The following KLF7 variants were observed in gnomAD, a reference collection of about 807,000 sequenced individuals.
KLF7 encodes the protein Krueppel-like factor 7.
A neutral mutation model predicts 27.3 loss-of-function variants in KLF7; 2 were observed. The observed-to-expected ratio is 0.07, with a 90% CI of 0.03 to 0.23. The LOEUF is 0.23. KLF7 is among the 10% of genes least tolerant of loss of function. KLF7 has a pLI of 1.00. For missense variants in KLF7, 221 were observed against 394.1 expected (o/e 0.56, Z 3.72); for synonymous variants, 165 against 162.4 (o/e 1.02, Z -0.12).
At chr2:207,163,752 C>T (rs2106151433) in intron 1 of KLF7, among the ~76,000 whole-genome samples, 1 of 152,354 alleles carries the variant, frequency 6.6e-6, no homozygotes, top group Admixed American at 6.5e-5. Context: ...AGATTCCCTT[C>T]TCTAACCTGT....
At position 207,138,294 on chromosome 2, in the gene KLF7, A is replaced by C. The variant is rs1321899879; in HGVS notation, c.103-13890T>G. Among the ~76,000 whole-genome samples, 2 of 152,230 alleles carry C rather than the reference A, an allele frequency of 1.3e-5. 1 individual carries two copies. The highest frequency in any genetic ancestry group is 2.9e-5 in the Non-Finnish European group (2 of 68,032). On this transcript the variant is annotated intron_variant, in intron 1 of 3. Coordinates refer to ENST00000309446, the MANE Select transcript of KLF7 (RefSeq NM_003709.4). ...CAGTTGCTTTGTTGTTTCAACCTCC[A>C]AGGAAGGTTGCTACATATGCACAAC... is the stretch of plus-strand genomic sequence containing the variant.
chr2:207,156,448 CT>C (rs1234411121), intron 1 of KLF7, among the ~76,000 whole-genome samples: 8 of 152,226 alleles, frequency 5.3e-5, no homozygotes, highest in Non-Finnish European at 7.3e-5. Flanking sequence ...GAGCTGCTAC[CT>C]AATGCCTCTC....
chr2:207,092,166 G>A (rs749576667), intron 2 of KLF7, among the ~76,000 whole-genome samples: 1 of 152,076 alleles, frequency 6.6e-6, no homozygotes, highest in Admixed American at 6.6e-5. Flanking sequence ...ATGCTGTATC[G>A]CACTTGGAAT....
intron 1 of KLF7, among the ~76,000 whole-genome samples, chr2:207,134,938 CTG>C (rs1218722585): frequency 1.3e-5 from 2 of 152,222 alleles, no homozygotes; most frequent in Non-Finnish European, 2.9e-5. Flanking sequence ...CATGCACACT[CTG>C]TATGTTGTAG....
upstream of KLF7, among the ~76,000 whole-genome samples, chr2:207,167,915 C>T (rs1156232803): frequency 6.6e-6 from 1 of 152,184 alleles, no homozygotes; most frequent in Non-Finnish European, 1.5e-5. Context: ...CCCACTTGAG[C>T]TATGTAAACT....
chr2:207,123,753 G>A, intron 2 of KLF7, 21 bp downstream of exon 2: 8 of 1,596,268 alleles, frequency 5.0e-6, no homozygotes, highest in Non-Finnish European at 6.8e-6. Context: ...GAAACCACGT[G>A]CGGCCAACTT....
At chr2:207,122,955 A>G (rs1362413357) in intron 2 of KLF7, among the ~76,000 whole-genome samples, 1 of 150,826 alleles carries the variant, frequency 6.6e-6, no homozygotes, top group African/African-American at 2.4e-5. Flanking sequence ...ATCTCAAAGC[A>G]GAGAACAAAG....
chr2:207,124,444 G>A (rs1559141830), intron 1 of KLF7, 40 bp from the exon 2 acceptor site: 1 of 1,525,660 alleles, frequency 6.6e-7, no homozygotes, highest in African/African-American at 1.4e-5. Context: ...AGCCATCAGA[G>A]GCACAGAACA....
intron 2 of KLF7, chr2:207,122,103 T>C (rs2077356311): frequency 6.6e-6 from 1 of 152,186 alleles, no homozygotes; most frequent in South Asian, 2.1e-4. Flanking sequence ...TCATTGACTT[T>C]AGAAAGAAAG....
At chr2:207,105,415 T>C (rs1197732911) in intron 2 of KLF7, among the ~76,000 whole-genome samples, 22 of 152,102 alleles carry the variant, frequency 1.4e-4, no homozygotes, top group Admixed American at 1.4e-3. Flanking sequence ...GATGTTTCCA[T>C]CTTAGGGAGG....
intron 1 of KLF7, 22 bp downstream of exon 1, chr2:207,165,445 A>G (rs1402799612): frequency 6.2e-7 from 1 of 1,614,074 alleles, no homozygotes; most frequent in Admixed American, 1.7e-5. Context: ...CACGATTTAC[A>G]CAAGTAATTT....
At chr2:207,135,695 C>T (rs899237789) in intron 1 of KLF7, among the ~76,000 whole-genome samples, 4 of 152,204 alleles carry the variant, frequency 2.6e-5, no homozygotes, top group Admixed American at 2.6e-4. Context: ...ATTCTTCCTT[C>T]TTCACCAAAG....
At chr2:207,143,127 G>A (rs1199959197) in intron 1 of KLF7, among the ~76,000 whole-genome samples, 3 of 151,998 alleles carry the variant, frequency 2.0e-5, no homozygotes, top group East Asian at 1.9e-4. Flanking sequence ...AAATCAAAAT[G>A]AGGACAAAAC....
chr2:207,107,859 G>A (rs1215837007), intron 2 of KLF7, among the ~76,000 whole-genome samples: 3 of 152,226 alleles, frequency 2.0e-5, no homozygotes, highest in Admixed American at 2.0e-4. Flanking sequence ...AAACTTCAGT[G>A]GGTTCGCTGT....
In KLF7 at chr2:207,124,166, G is replaced by A. The variant is rs745993873; in HGVS notation, c.341C>T (p.Pro114Leu). The A allele has an allele frequency of 4.3e-6, 7 of 1,614,036 alleles. No individual in the cohort carries two copies. The highest frequency in any genetic ancestry group is 2.2e-5 in the South Asian group (2 of 91,078). ...GTAGCTGTCTAGAGAAGAGCTGGCCGGCTGGAGGCTGAGGCAGGTCTCAGA... is the reference window on the plus strand; with the variant it reads ...GTAGCTGTCTAGAGAAGAGCTGGCCAGCTGGAGGCTGAGGCAGGTCTCAGA... The part of the protein sequence containing the change: ...LLSETCLSLQ[P>L]ASSSLDSYTA... Residue 114 changes from proline (P) to leucine (L), a missense_variant, in exon 2 of 4, where the codon CCG (proline) becomes CTG (leucine). Around this residue, in one of 3 missense-constraint regions of KLF7, gnomAD observed 180 missense variants for 227.9 expected, o/e 0.79. Coordinates refer to ENST00000309446, the MANE Select transcript of KLF7 (RefSeq NM_003709.4).
intron 1 of KLF7, among the ~76,000 whole-genome samples, chr2:207,148,719 C>T (rs1212441844): frequency 1.3e-5 from 2 of 152,196 alleles, no homozygotes; most frequent in East Asian, 3.9e-4. Flanking sequence ...AGATGAATGG[C>T]AACTGCCCCT....
intron 2 of KLF7, among the ~76,000 whole-genome samples, chr2:207,092,601 A>G (rs1209080849): frequency 6.6e-6 from 1 of 152,214 alleles, no homozygotes; most frequent in Admixed American, 6.5e-5. Context: ...GAGAGGTTAA[A>G]TCACGTCAAG....
At chr2:207,085,164 GAAAAAAAAAAA>G (rs1015691241) in intron 3 of KLF7, among the ~76,000 whole-genome samples, 4 of 22,994 alleles carry the variant, frequency 1.7e-4, no homozygotes, top group East Asian at 3.3e-3. Context: ...TGTCTCAAAT[GAAAAAAAAAAA>G]AAAAAAAAAA....
In KLF7 at chr2:207,086,150, CAA is replaced by C. The variant is rs202050065; in HGVS notation, c.857+2306_857+2307del. On this transcript the variant is annotated intron_variant, in intron 3 of 3. Coordinates refer to ENST00000309446, the MANE Select transcript of KLF7 (RefSeq NM_003709.4). ...GTGTAATTGTTCAAATTTTAAGAGA[CAA>C]GAGGTGGTGCACTCATATATACTGC... Among the ~76,000 whole-genome samples, 70 of 152,284 alleles carry C rather than the reference CAA, an allele frequency of 4.6e-4. 1 individual carries two copies. The East Asian group carries it at 0.013, about 27-fold the overall frequency.
Sources: gnomAD v4.1 joint callset for allele counts (sites outside exome capture counted in the v4.1 genomes callset) on GRCh38, gnomAD v4.1.1 for gene constraint, gnomAD v4.1.1 regional missense constraint, MANE v1.5 for transcripts, NCBI Gene and HGNC (gene_info 2026-07-23, HGNC 2026-07-21) for gene names.